Variants in COL24A1 observed in about 807,000 individuals in gnomAD.
The protein encoded by COL24A1 is collagen alpha-1(XXIV) chain.
Under a neutral mutation model 253.9 loss-of-function variants are expected in COL24A1, and 224 were observed. The observed-to-expected ratio is 0.88, with a 90% CI of 0.79 to 0.99. The LOEUF is 0.99. Among genes scored for constraint, COL24A1 ranks in the 50% least tolerant of loss-of-function variants. The pLI is 0.00. For missense variants in COL24A1, 2,131 were observed against 2,068.5 expected, an observed-to-expected ratio of 1.03 and a Z score of -0.59; for synonymous variants, 685 against 673.7, an observed-to-expected ratio of 1.02 and a Z score of -0.26.
At chr1:85,814,836 T>C (rs1570728990) in intron 47 of COL24A1, among the ~76,000 whole-genome samples, 1 of 152,208 alleles carries the variant, frequency 6.6e-6, no homozygotes, top group Non-Finnish European at 1.5e-5. Context: ...TCTCATAAGC[T>C]GAACATCTGA....
intron 32 of COL24A1, among the ~76,000 whole-genome samples, chr1:85,880,705 C>T (rs1352689585): frequency 1.6e-5 from 2 of 129,006 alleles, no homozygotes; most frequent in Admixed American, 7.9e-5. Flanking sequence ...GGAAGTGCCC[C>T]TTTATTCCAA....
At chr1:85,996,756 C>T (rs1558943653) in intron 19 of COL24A1, among the ~76,000 whole-genome samples, 1 of 152,024 alleles carries the variant, frequency 6.6e-6, no homozygotes, top group African/African-American at 2.4e-5. Context: ...AGAAAACAAA[C>T]AAAAAGATTC....
At chr1:86,119,700 A>G (rs1229707608) in intron 3 of COL24A1, among the ~76,000 whole-genome samples, 1 of 152,256 alleles carries the variant, frequency 6.6e-6, no homozygotes, top group East Asian at 1.9e-4. Flanking sequence ...TTACTTCCCT[A>G]TGCCTCTCCA....
At chr1:85,847,871 G>T in intron 38 of COL24A1, 99 bp from the exon 39 acceptor site, 1 of 681,082 alleles carries the variant, frequency 1.5e-6, no homozygotes. Flanking sequence ...GGATTATCTG[G>T]TTAACAGTAT....
chr1:86,144,037 T>C (rs1028403694), intron 2 of COL24A1, among the ~76,000 whole-genome samples: 8 of 152,158 alleles, frequency 5.3e-5, no homozygotes, highest in Non-Finnish European at 8.8e-5. Context: ...AAAAAGTGTT[T>C]CTAAGTTTCT....
chr1:85,847,106 G>T (rs1055564766), intron 39 of COL24A1, among the ~76,000 whole-genome samples: 3 of 151,974 alleles, frequency 2.0e-5, no homozygotes, highest in Non-Finnish European at 4.4e-5. Flanking sequence ...AAATACATTC[G>T]CAATATAATT....
chr1:85,980,907 A>G (rs887697462), intron 20 of COL24A1, among the ~76,000 whole-genome samples: 1 of 151,800 alleles, frequency 6.6e-6, no homozygotes, highest in Admixed American at 6.6e-5. Flanking sequence ...AGATTCCGAG[A>G]CTCCGTCTCA....
intron 24 of COL24A1, among the ~76,000 whole-genome samples, chr1:85,913,135 T>C (rs1685535361): frequency 6.6e-6 from 1 of 152,228 alleles, no homozygotes; most frequent in Non-Finnish European, 1.5e-5. Context: ...CTGTGGTTTT[T>C]AAGTGTAAGA....
chr1:85,743,818 T>G (rs901664603), intron 57 of COL24A1, among the ~76,000 whole-genome samples: 1 of 152,150 alleles, frequency 6.6e-6, no homozygotes, highest in Non-Finnish European at 1.5e-5. Flanking sequence ...GTTAAGTGTT[T>G]GATTAATGTA....
intron 31 of COL24A1, among the ~76,000 whole-genome samples, chr1:85,894,190 G>A (rs1683421910): frequency 6.6e-6 from 1 of 152,124 alleles, no homozygotes; most frequent in African/African-American, 2.4e-5. Flanking sequence ...TCCAATCAAG[G>A]AGAAGGAGAC....
At chr1:86,076,738 G>A (rs184194007) in intron 7 of COL24A1, among the ~76,000 whole-genome samples, 9 of 152,226 alleles carry the variant, frequency 5.9e-5, no homozygotes, top group African/African-American at 2.2e-4. Context: ...AACAAGCAAT[G>A]GGGAAAAGAT....
intron 57 of COL24A1, among the ~76,000 whole-genome samples, chr1:85,740,919 C>T (rs1033268270): frequency 1.5e-5 from 2 of 134,242 alleles, no homozygotes; most frequent in African/African-American, 2.7e-5. Flanking sequence ...ACCAGCCTGG[C>T]CAAGACGGTG....
intron 6 of COL24A1, among the ~76,000 whole-genome samples, chr1:86,090,004 AGGC>A (rs1184595289): frequency 6.6e-6 from 1 of 152,100 alleles, no homozygotes; most frequent in African/African-American, 2.4e-5. Context: ...GACGCACAGG[AGGC>A]ACTTCCGCTT....
At chr1:85,812,232 T>A (rs1386662131) in intron 47 of COL24A1, among the ~76,000 whole-genome samples, 1 of 152,240 alleles carries the variant, frequency 6.6e-6, no homozygotes, top group African/African-American at 2.4e-5. Flanking sequence ...CTAGCACGTC[T>A]GGAAAGCACA....
At chr1:85,950,791 A>G (rs749165446) in intron 24 of COL24A1, among the ~76,000 whole-genome samples, 3 of 152,252 alleles carry the variant, frequency 2.0e-5, no homozygotes, top group Non-Finnish European at 4.4e-5. Context: ...TACAGAGGAT[A>G]CTTGATGTGA....
chr1:86,127,813 A>C (rs1436911973), intron 2 of COL24A1, among the ~76,000 whole-genome samples: 1 of 152,080 alleles, frequency 6.6e-6, no homozygotes, highest in Non-Finnish European at 1.5e-5. Flanking sequence ...CTCATTTCCC[A>C]AGTCTCACAA....
At chr1:86,061,604 GT>G (rs1419756201) in intron 8 of COL24A1, among the ~76,000 whole-genome samples, 1 of 151,986 alleles carries the variant, frequency 6.6e-6, no homozygotes, top group African/African-American at 2.4e-5. Context: ...CAATGTCTAA[GT>G]TCTGCTATAC....
At chr1:85,755,546 T>C (rs545193802) in intron 55 of COL24A1, among the ~76,000 whole-genome samples, 1 of 151,858 alleles carries the variant, frequency 6.6e-6, no homozygotes, top group Admixed American at 6.6e-5. Context: ...GAATGAAATA[T>C]AATAGAGAGT....
intron 5 of COL24A1, among the ~76,000 whole-genome samples, chr1:86,103,487 A>G (rs1338099261): frequency 6.6e-6 from 1 of 152,178 alleles, no homozygotes; most frequent in African/African-American, 2.4e-5. Flanking sequence ...GTCTGTGTAC[A>G]TAAGTGTGTT....
Sources: gnomAD v4.1 joint callset for allele counts (sites outside exome capture counted in the v4.1 genomes callset) on GRCh38, gnomAD v4.1.1 for gene constraint, MANE v1.5 for transcripts, NCBI Gene and HGNC (gene_info 2026-07-23, HGNC 2026-07-21) for gene names.